The following BBS9 variants were observed in gnomAD, a reference collection of about 807,000 sequenced individuals.
BBS9 encodes the protein protein PTHB1.
A neutral mutation model predicts 117.7 loss-of-function variants in BBS9; 89 were observed. The observed-to-expected ratio is 0.76, with a 90% CI of 0.64 to 0.90. The LOEUF (loss-of-function observed/expected upper bound fraction) is 0.90, where lower values mean the gene tolerates loss of function less well. Among genes scored for constraint, BBS9 ranks in the 40% least tolerant of loss-of-function variants. The pLI is 0.00. For missense variants in BBS9, 982 were observed against 1,042.2 expected (o/e 0.94, Z 0.80); for synonymous variants, 379 against 370.9 (o/e 1.02, Z -0.25).
At position 33,388,152 on chromosome 7, in the gene BBS9, T is replaced by TA; in HGVS notation, c.2115+10dup. Reference sequence around the variant, plus strand: ...GATGGAACCTACAAGCAGGTCAGTATAATATCAGTAACAGTTTTCTATTAC... The same window carrying TA: ...GATGGAACCTACAAGCAGGTCAGTATAAATATCAGTAACAGTTTTCTATTAC... On this transcript the variant is annotated intron_variant, in intron 19 of 22. Coordinates refer to ENST00000242067, the MANE Select transcript of BBS9 (RefSeq NM_198428.3). The TA allele has an allele frequency of 6.2e-7, 1 of 1,613,876 alleles. No homozygotes were observed. Among genetic ancestry groups the TA allele is most frequent in the African/African-American group, 1.3e-5 (1 of 75,074 alleles).
At chr7:33,610,263 G>A (rs888577155), downstream of BBS9, among the ~76,000 whole-genome samples, 68 of 152,026 alleles carry the variant, frequency 4.5e-4, no homozygotes, top group African/African-American at 1.6e-3. Flanking sequence ...TGAGTGTGGC[G>A]GGTGGAAAGG....
In BBS9 at chr7:33,383,648, T is replaced by C; in HGVS notation, c.1790-18T>C. ...ATTCTGTGTTACTAAGCATTTTTCC[T>C]TAATTTTTTTCTCTCAGAACGATAT... On this transcript the variant is annotated intron_variant, in intron 17 of 22. Coordinates refer to ENST00000242067, the MANE Select transcript of BBS9 (RefSeq NM_198428.3). 1 of 1,590,128 alleles carries C rather than the reference T, an allele frequency of 6.3e-7. No homozygotes were observed. The highest frequency in any genetic ancestry group is 1.3e-5 in the African/African-American group (1 of 74,902).
intron 5 of BBS9, among the ~76,000 whole-genome samples, chr7:33,189,636 C>T (rs954371806): frequency 6.6e-6 from 1 of 151,608 alleles, no homozygotes; most frequent in East Asian, 1.9e-4. Flanking sequence ...GCCTGTAATC[C>T]CAGCACTTTG....
At chr7:33,291,897 TAGTCTTTAGGG>T (rs1236270335) in intron 9 of BBS9, among the ~76,000 whole-genome samples, 1 of 152,184 alleles carries the variant, frequency 6.6e-6, no homozygotes, top group Admixed American at 6.5e-5. Context: ...CTGTGGTGTG[TAGTCTTTAGGG>T]CCGCTCCACT....
chr7:33,541,760 G>A (rs541472708), intron 21 of BBS9, among the ~76,000 whole-genome samples: 8 of 152,284 alleles, frequency 5.3e-5, no homozygotes, highest in South Asian at 2.1e-4. Context: ...AATTCAAGGC[G>A]ACAGAAAGTA....
intron 20 of BBS9, among the ~76,000 whole-genome samples, chr7:33,522,195 T>C (rs1432479049): frequency 6.6e-6 from 1 of 152,142 alleles, no homozygotes; most frequent in Middle Eastern, 3.2e-3. Context: ...TGAATAATGC[T>C]GCAGTAAACA....
intron 2 of BBS9, among the ~76,000 whole-genome samples, chr7:33,147,652 G>C (rs1218611983): frequency 6.6e-6 from 1 of 152,212 alleles, no homozygotes; most frequent in Non-Finnish European, 1.5e-5. Flanking sequence ...ATACCTGCCA[G>C]AGAGAACAAT....
At chr7:33,581,647 A>G (rs764919223) in intron 21 of BBS9, among the ~76,000 whole-genome samples, 1 of 152,166 alleles carries the variant, frequency 6.6e-6, no homozygotes, top group Non-Finnish European at 1.5e-5. Flanking sequence ...AGGGTTGGTT[A>G]TTCTTGTAGT....
intron 21 of BBS9, among the ~76,000 whole-genome samples, chr7:33,575,289 A>T (rs1463598714): frequency 6.6e-6 from 1 of 152,124 alleles, no homozygotes; most frequent in Non-Finnish European, 1.5e-5. Context: ...ACAGTTCATC[A>T]GTATGTCTCT....
At chr7:33,387,942 G>C in intron 18 of BBS9, 50 bp from the exon 19 acceptor site, 3 of 1,579,416 alleles carry the variant, frequency 1.9e-6, no homozygotes, top group Non-Finnish European at 2.6e-6. Context: ...TTTCTTTAAA[G>C]ATGTTTTTTG....
chr7:33,272,619 A>G (rs570178722), intron 7 of BBS9, among the ~76,000 whole-genome samples: 2 of 152,250 alleles, frequency 1.3e-5, no homozygotes, highest in African/African-American at 2.4e-5. Context: ...ACTACTCTGT[A>G]TATGCATATT....
At chr7:33,209,577 C>CT (rs1054710984) in intron 5 of BBS9, among the ~76,000 whole-genome samples, 2 of 152,120 alleles carry the variant, frequency 1.3e-5, no homozygotes, top group Non-Finnish European at 2.9e-5. Flanking sequence ...AGAAGGTTCC[C>CT]TTTTCTCCAC....
intron 19 of BBS9, among the ~76,000 whole-genome samples, chr7:33,451,742 G>T (rs914613837): frequency 1.2e-4 from 19 of 152,192 alleles, no homozygotes; most frequent in African/African-American, 4.6e-4. Context: ...TTGGGATTTT[G>T]ATAGGGATTT....
chr7:33,368,081 C>G (rs1471608546), intron 17 of BBS9, among the ~76,000 whole-genome samples: 1 of 152,102 alleles, frequency 6.6e-6, no homozygotes, highest in Non-Finnish European at 1.5e-5. Context: ...TTACCATGAT[C>G]TAAATTTCAC....
At chr7:33,422,482 T>TA (rs1833006950) in intron 19 of BBS9, among the ~76,000 whole-genome samples, 4 of 152,246 alleles carry the variant, frequency 2.6e-5, no homozygotes, top group Non-Finnish European at 4.4e-5. Flanking sequence ...ATAGTGATGA[T>TA]ACTTTAATTG....
Position 33,525,045 on chromosome 7 carries a change from G to A in BBS9, c.2299-8909G>A, listed in dbSNP as rs543661416. On this transcript the variant is annotated intron_variant, in intron 20 of 22. Coordinates refer to ENST00000242067, the MANE Select transcript of BBS9 (RefSeq NM_198428.3). ...CAGGAGCAGGTTGTTCAGTTTCCAT[G>A]TAGTTGAGCGGTTTTGAGTGAGATT... 7.2e-5 allele frequency among the ~76,000 whole-genome samples: 11 copies of A among 151,860 alleles called. No individual in the cohort carries two copies. In the East Asian group the frequency reaches 2.1e-3, roughly 29 times the overall value.
intron 21 of BBS9, among the ~76,000 whole-genome samples, chr7:33,591,277 T>G (rs1861874181): frequency 6.6e-6 from 1 of 152,096 alleles, no homozygotes; most frequent in African/African-American, 2.4e-5. Flanking sequence ...ATATGTTTAT[T>G]TTCCTGTGGG....
chr7:33,219,099 A>G lies in BBS9; in HGVS notation c.443-38137A>G, dbSNP rs1273403949. ...CGGCCAGCCCTGCTGGCCCTGGGCA[A>G]TGAGGGGCTTAGCACCCAGGCCAGC... is the stretch of plus-strand genomic sequence containing the variant. On this transcript the variant is annotated intron_variant, in intron 5 of 22. Transcript: ENST00000242067. 9.2e-5 allele frequency among the ~76,000 whole-genome samples: 14 copies of G among 152,304 alleles called. 1 individual carries two copies. In the South Asian group the frequency reaches 1.0e-3, roughly 11 times the overall value.
At chr7:33,329,084 G>A (rs1813443018) in intron 9 of BBS9, among the ~76,000 whole-genome samples, 1 of 151,708 alleles carries the variant, frequency 6.6e-6, no homozygotes, top group African/African-American at 2.4e-5. Context: ...GCAGTGGCGC[G>A]ATCTCAGCTC....
Sources: gnomAD v4.1 joint callset for allele counts (sites outside exome capture counted in the v4.1 genomes callset) on GRCh38, gnomAD v4.1.1 for gene constraint, MANE v1.5 for transcripts, NCBI Gene and HGNC (gene_info 2026-07-23, HGNC 2026-07-21) for gene names.